The following TBXAS1 variants were observed in gnomAD, a reference collection of about 807,000 sequenced individuals.
The protein encoded by TBXAS1 is thromboxane A synthase 1, also known as thromboxane-A synthase.
TBXAS1 carries 48 observed loss-of-function variants against 60.7 expected under a neutral mutation model. The ratio of observed to expected loss-of-function variants is 0.79; its 90% CI spans 0.63 to 1.01. TBXAS1 has a LOEUF of 1.01. Ranked by LOEUF, TBXAS1 falls within the 50% of genes least tolerant of loss-of-function variation. TBXAS1 has a pLI of 0.00. For missense variants in TBXAS1, 685 were observed against 686.3 expected (o/e 1.00, Z 0.02); for synonymous variants, 287 against 269.7 (o/e 1.06, Z -0.63).
intron 3 of TBXAS1, among the ~76,000 whole-genome samples, chr7:139,891,086 G>C (rs1202436709): frequency 6.6e-6 from 1 of 151,936 alleles, no homozygotes; most frequent in Non-Finnish European, 1.5e-5. Context: ...GACATGCCAC[G>C]GATGCCTGTA....
chr7:139,829,584 T>G, intron 1 of TBXAS1, 105 bp downstream of exon 1: 1 of 1,065,208 alleles, frequency 9.4e-7, no homozygotes, highest in Middle Eastern at 2.7e-4. Context: ...TCTTCTTTTC[T>G]AATCTAGCGG....
chr7:139,945,494 A>G (rs571362637), intron 5 of TBXAS1, among the ~76,000 whole-genome samples: 1 of 152,300 alleles, frequency 6.6e-6, no homozygotes, highest in East Asian at 1.9e-4. Context: ...GGTACCTTCT[A>G]TGTCAAGGCT....
chr7:139,824,885 A>G (rs1422862628), upstream of TBXAS1, among the ~76,000 whole-genome samples: 1 of 143,640 alleles, frequency 7.0e-6, no homozygotes, highest in African/African-American at 2.6e-5. Flanking sequence ...GCTGAAGTGC[A>G]ATGGCGTGAT....
intron 8 of TBXAS1, among the ~76,000 whole-genome samples, chr7:139,958,669 C>T (rs898784276): frequency 6.6e-6 from 1 of 152,206 alleles, no homozygotes; most frequent in African/African-American, 2.4e-5. Context: ...GCTTGATACA[C>T]CGAGCGGCCT....
chr7:139,977,416 C>T (rs983281475), intron 9 of TBXAS1, among the ~76,000 whole-genome samples: 1 of 152,216 alleles, frequency 6.6e-6, no homozygotes, highest in South Asian at 2.1e-4. Flanking sequence ...GGGAAAGACT[C>T]GCCCCCATGA....
intron 4 of TBXAS1, among the ~76,000 whole-genome samples, chr7:139,922,483 C>A (rs539212444): frequency 1.3e-5 from 2 of 152,026 alleles, no homozygotes; most frequent in African/African-American, 2.4e-5. Flanking sequence ...CCCCCTCCCC[C>A]ACTTTTATTT....
intron 5 of TBXAS1, among the ~76,000 whole-genome samples, chr7:139,951,950 A>AAAAGAAAGAAAG (rs776126423): frequency 0.023 from 958 of 41,884 alleles, 23 homozygotes; most frequent in East Asian, 0.045. Context: ...GGAAAGAAAG[A>AAAAGAAAGAAAG]AAAGAAAGAA....
chr7:139,920,544 A>T (rs1806380880), intron 4 of TBXAS1, among the ~76,000 whole-genome samples: 1 of 152,224 alleles, frequency 6.6e-6, no homozygotes, highest in Non-Finnish European at 1.5e-5. Context: ...CTTGCAAGAG[A>T]TGCCAAGGAA....
At chr7:139,783,647 C>T (rs1237833448) in intron 3 of TBXAS1, among the ~76,000 whole-genome samples, 3 of 152,172 alleles carry the variant, frequency 2.0e-5, no homozygotes, top group African/African-American at 7.2e-5. Context: ...CTGAGGAGAG[C>T]TCTTTTAAAA....
intron 1 of TBXAS1, among the ~76,000 whole-genome samples, chr7:139,842,486 G>A (rs1799515902): frequency 1.3e-5 from 2 of 152,210 alleles, no homozygotes; most frequent in African/African-American, 4.8e-5. Flanking sequence ...GGGAACCCTG[G>A]TAGCCTTATA....
chr7:139,847,167 A>C (rs1799875732), intron 1 of TBXAS1, among the ~76,000 whole-genome samples: 1 of 152,318 alleles, frequency 6.6e-6, no homozygotes, highest in South Asian at 2.1e-4. Context: ...ATCAAGCTTT[A>C]AACTCAATTT....
chr7:139,842,331 T>C (rs1799503012), intron 1 of TBXAS1, among the ~76,000 whole-genome samples: 1 of 152,010 alleles, frequency 6.6e-6, no homozygotes, highest in African/African-American at 2.4e-5. Context: ...GCTGCGTGAG[T>C]GGGTGCTCAG....
intron 3 of TBXAS1, among the ~76,000 whole-genome samples, chr7:139,905,019 CTTTCTTT>C (rs1804905703): frequency 1.3e-5 from 1 of 75,190 alleles, no homozygotes; most frequent in Non-Finnish European, 2.5e-5. Context: ...TTCTTTCTTT[CTTTCTTT>C]CTTTCTTTCT....
intron 1 of TBXAS1, among the ~76,000 whole-genome samples, chr7:139,861,645 C>G (rs1312945786): frequency 6.6e-6 from 1 of 152,108 alleles, no homozygotes; most frequent in East Asian, 1.9e-4. Flanking sequence ...GCTGAAGTAC[C>G]AAACATGGTA....
chr7:140,010,632 G>A (rs1379438976), intron 10 of TBXAS1, among the ~76,000 whole-genome samples: 1 of 152,196 alleles, frequency 6.6e-6, no homozygotes, highest in Non-Finnish European at 1.5e-5. Flanking sequence ...CCAGCTGCCT[G>A]CCCTGGTTTC....
intron 2 of TBXAS1, chr7:139,780,897 A>C (rs41304200): frequency 1.2e-4 from 19 of 154,582 alleles, no homozygotes; most frequent in Non-Finnish European, 2.1e-4. Context: ...ACTGCCCCTG[A>C]ATTCAGCACT....
At chr7:139,913,080 CCCAA>C in intron 4 of TBXAS1, 1 of 701,030 alleles carries the variant, frequency 1.4e-6, no homozygotes, top group Non-Finnish European at 2.6e-6. Flanking sequence ...GAGCATCATG[CCCAA>C]CTCCAGACAT....
intron 9 of TBXAS1, among the ~76,000 whole-genome samples, chr7:139,967,107 G>A (rs902827156): frequency 6.6e-6 from 1 of 152,228 alleles, no homozygotes; most frequent in Non-Finnish European, 1.5e-5. Context: ...CTGCTTGATG[G>A]GGAATCTTGA....
chr7:140,008,596 C>T (rs890746489), intron 10 of TBXAS1, among the ~76,000 whole-genome samples: 14 of 151,882 alleles, frequency 9.2e-5, no homozygotes, highest in Non-Finnish European at 4.4e-5. Flanking sequence ...TACAGGTGCC[C>T]GCCACTATGC....
Sources: allele counts gnomAD v4.1 joint callset (sites outside exome capture counted in the v4.1 genomes callset), GRCh38; gene constraint gnomAD v4.1.1; transcripts MANE v1.5; gene names NCBI Gene and HGNC (gene_info 2026-07-23, HGNC 2026-07-21).